TEX14: variants seen among roughly 807,000 people sequenced by gnomAD.
TEX14 encodes the protein testis expressed 14, intercellular bridge forming factor, also known as inactive serine/threonine-protein kinase TEX14.
Under a neutral mutation model 178.6 loss-of-function variants are expected in TEX14, and 168 were observed. That is an observed-to-expected ratio of 0.94 (90% confidence interval 0.83 to 1.07). TEX14 has a LOEUF of 1.07. Among genes scored for constraint, TEX14 ranks in the 50% least tolerant of loss-of-function variants. TEX14 has a pLI of 0.00. For synonymous variants in TEX14, 626 were observed against 634.1 expected (o/e 0.99, Z 0.19); for missense variants, 1,730 against 1,753.6 (o/e 0.99, Z 0.24).
rs116357963 is a variant in TEX14 at position 58,565,879 on chromosome 17, G to A, written c.3887-55C>T. 2.4e-3 allele frequency: 3,331 copies of A among 1,394,916 alleles called. 74 individuals are homozygous for A. The African/African-American group carries it at 0.041, about 17-fold the overall frequency. The allele number at this position is 1,394,916 out of a possible 1,614,324, so 86.4% of individuals were successfully genotyped here. A position where few individuals can be genotyped will look rare whatever the true frequency, so the allele number is the denominator to read the frequency against. On this transcript the variant is annotated intron_variant, in intron 26 of 31. Transcript: ENST00000349033. ...TATTTCCTCCCTTGCGTGTCCTGCCGTTCTCTAGAGCAGTGGTTCTCCAAG... is the reference window on the plus strand; with the variant it reads ...TATTTCCTCCCTTGCGTGTCCTGCCATTCTCTAGAGCAGTGGTTCTCCAAG...
chr17:58,583,539 A>G (rs1490644717), intron 19 of TEX14, among the ~76,000 whole-genome samples: 3 of 152,184 alleles, frequency 2.0e-5, no homozygotes, highest in Non-Finnish European at 4.4e-5. Flanking sequence ...TACTGGAATT[A>G]TAGGTGTGAG....
intron 1 of TEX14, chr17:58,659,366 A>C (rs1251246219): frequency 1.0e-6 from 1 of 980,396 alleles, no homozygotes; most frequent in Non-Finnish European, 1.2e-6. Flanking sequence ...ACTCATGGCA[A>C]ATTGTATTAT....
At chr17:58,618,824 G>T (rs778434160) in intron 5 of TEX14, among the ~76,000 whole-genome samples, 1 of 152,224 alleles carries the variant, frequency 6.6e-6, no homozygotes, top group African/African-American at 2.4e-5. Flanking sequence ...TTGAGGAGAA[G>T]ACTCTGATGT....
chr17:58,665,000 C>G (rs570922520), intron 1 of TEX14, among the ~76,000 whole-genome samples: 219 of 152,048 alleles, frequency 1.4e-3, no homozygotes, highest in Middle Eastern at 3.4e-3. Flanking sequence ...CCAGGAAGAG[C>G]AGGCATGTAA....
chr17:58,662,452 C>CACAG (rs1352889539), intron 1 of TEX14, among the ~76,000 whole-genome samples: 1 of 147,028 alleles, frequency 6.8e-6, no homozygotes, highest in Non-Finnish European at 1.5e-5. Context: ...CACACACACA[C>CACAG]AGAATCAAAC....
chr17:58,622,836 C>A lies in TEX14; in HGVS notation c.417+11G>T, dbSNP rs1241438034. ...TAGTGGGCATGGCTACAGAGTGGGACCCACCCTTACCTGGGTGCTACGCTC... is the reference window on the plus strand; with the variant it reads ...TAGTGGGCATGGCTACAGAGTGGGAACCACCCTTACCTGGGTGCTACGCTC... On this transcript the variant is annotated intron_variant, in intron 4 of 31. Transcript: ENST00000349033. 1 of 1,599,810 alleles carries A rather than the reference C, an allele frequency of 6.3e-7. No homozygotes were observed. Among genetic ancestry groups the A allele is most frequent in the Non-Finnish European group, 8.5e-7 (1 of 1,169,774 alleles).
rs1049890173 is a variant in TEX14 at position 58,659,243 on chromosome 17, A to AC, written c.-1-7242dup. ...TCGCGGGAGCAAACACATAGTAAAA[A>AC]CCCTCCCCCAAGAAAAACACTTTAT... On this transcript the variant is annotated intron_variant, in intron 1 of 31. Transcript: ENST00000349033. The AC allele has an allele frequency of 5.3e-5, 34 of 637,418 alleles. 1 individual carries two copies. The highest frequency in any genetic ancestry group is 3.2e-4 in the Admixed American group (5 of 15,760). 39.5% of individuals were successfully genotyped at this position (637,418 alleles called of 1,614,324 possible).
chr17:58,687,542 G>T (rs1055242161), intron 1 of TEX14, among the ~76,000 whole-genome samples: 6 of 151,942 alleles, frequency 3.9e-5, no homozygotes, highest in Non-Finnish European at 8.8e-5. Flanking sequence ...CACCATGTTG[G>T]CCAGGCTGGT....
At position 58,589,037 on chromosome 17, in the gene TEX14, G is replaced by A. The variant is rs528514812; in HGVS notation, c.2577-1016C>T. Among the ~76,000 whole-genome samples the A allele has an allele frequency of 6.8e-3, 1,032 of 151,786 alleles. 11 individuals carry two copies. Among genetic ancestry groups the A allele is most frequent in the African/African-American group, 0.023 (961 of 41,378 alleles). ...ACCTGTAATCCCAGCACTTTGGGAGGCCAGGGCAGGCGGAGGCCAGGAGTT... is the reference window on the plus strand; with the variant it reads ...ACCTGTAATCCCAGCACTTTGGGAGACCAGGGCAGGCGGAGGCCAGGAGTT... On this transcript the variant is annotated intron_variant, in intron 15 of 31. Coordinates refer to ENST00000349033, the MANE Select transcript of TEX14 (RefSeq NM_031272.5).
chr17:58,557,305 C>CT (rs2044158663), intron 31 of TEX14, among the ~76,000 whole-genome samples: 1 of 150,242 alleles, frequency 6.7e-6, no homozygotes, highest in South Asian at 2.1e-4. Context: ...GAGTCTTGCT[C>CT]TTATCCCCCA....
intron 10 of TEX14, among the ~76,000 whole-genome samples, chr17:58,610,921 A>ATTATAGCATT (rs780940859): frequency 8.2e-4 from 125 of 152,016 alleles, no homozygotes; most frequent in Non-Finnish European, 1.6e-3. Context: ...GGAATGGATA[A>ATTATAGCATT]TTATAGCATT....
At chr17:58,678,482 A>G (rs1447383078) in intron 1 of TEX14, among the ~76,000 whole-genome samples, 1 of 152,196 alleles carries the variant, frequency 6.6e-6, no homozygotes, top group Non-Finnish European at 1.5e-5. Flanking sequence ...ACACCACGGA[A>G]CACTATGCAG....
At position 58,661,729 on chromosome 17, in the gene TEX14, T is replaced by A. The variant is rs929063666; in HGVS notation, c.-1-9727A>T. On this transcript the variant is annotated intron_variant, in intron 1 of 31. Transcript: ENST00000349033. ...AGGGCAGTCAGGGAGGCGGTGGCGT[T>A]GGGGGCGGCATAGGGGAAGGCAACG... The A allele has an allele frequency of 8.7e-6, 5 of 573,986 alleles. No individual in the cohort carries two copies. In the African/African-American group the frequency reaches 9.4e-5, roughly 11 times the overall value. 35.6% of individuals were successfully genotyped at this position (573,986 alleles called of 1,614,324 possible).
At chr17:58,670,977 C>A (rs1434974159) in intron 1 of TEX14, among the ~76,000 whole-genome samples, 2 of 152,020 alleles carry the variant, frequency 1.3e-5, no homozygotes, top group Non-Finnish European at 2.9e-5. Flanking sequence ...ACAATTGGGA[C>A]ACTGATTACC....
chr17:58,639,898 C>T (rs1195394293), intron 2 of TEX14, among the ~76,000 whole-genome samples: 1 of 152,188 alleles, frequency 6.6e-6, no homozygotes, highest in Non-Finnish European at 1.5e-5. Context: ...AACTCTGGTT[C>T]TTATGCCACA....
chr17:58,684,749 C>T (rs531000521), intron 1 of TEX14, among the ~76,000 whole-genome samples: 1 of 151,932 alleles, frequency 6.6e-6, no homozygotes, highest in East Asian at 1.9e-4. Flanking sequence ...CAGAGGTGGG[C>T]AGATCACCTG....
In TEX14 at chr17:58,611,109, T is replaced by C. The variant is rs1023370664; in HGVS notation, c.1184+52A>G. On this transcript the variant is annotated intron_variant, in intron 10 of 31. Coordinates refer to ENST00000349033, the MANE Select transcript of TEX14 (RefSeq NM_031272.5). ...TCAGATTCTGTCTCTATAGGAAGGG[T>C]CCCCAAGGGAGATCAACTTCAGGAG... is the stretch of plus-strand genomic sequence containing the variant. The C allele has an allele frequency of 1.6e-5, 21 of 1,351,562 alleles. No homozygotes were observed. In the South Asian group the frequency reaches 2.4e-4, roughly 15 times the overall value. The allele number at this position is 1,351,562 out of a possible 1,614,324, so 83.7% of individuals were successfully genotyped here. A position where few individuals can be genotyped will look rare whatever the true frequency, so the allele number is the denominator to read the frequency against.
At chr17:58,690,460 C>T (rs2047677552) in intron 1 of TEX14, among the ~76,000 whole-genome samples, 3 of 152,196 alleles carry the variant, frequency 2.0e-5, no homozygotes, top group Admixed American at 2.0e-4. Context: ...GCCACTGTGC[C>T]AGGCCAAAGT....
At chr17:58,601,694 A>T in intron 13 of TEX14, 112 bp downstream of exon 13, 1 of 1,054,506 alleles carries the variant, frequency 9.5e-7, no homozygotes, top group Non-Finnish European at 1.4e-6. Flanking sequence ...ACTTTATCTC[A>T]CAAAACAAAC....
Sources: gnomAD v4.1 joint callset for allele counts (sites outside exome capture counted in the v4.1 genomes callset) on GRCh38, gnomAD v4.1.1 for gene constraint, MANE v1.5 for transcripts, NCBI Gene and HGNC (gene_info 2026-07-23, HGNC 2026-07-21) for gene names.